CNIH3: variants seen among roughly 807,000 people sequenced by gnomAD.
CNIH3 encodes protein cornichon homolog 3.
In CNIH3, 14 loss-of-function variants were observed where a neutral mutation model predicts 24.1. That is an observed-to-expected ratio of 0.58 (90% CI 0.38 to 0.91). The LOEUF (loss-of-function observed/expected upper bound fraction) is 0.91, where lower values mean the gene tolerates loss of function less well. Ranked by LOEUF, CNIH3 falls within the 40% of genes least tolerant of loss-of-function variation. CNIH3 has a pLI of 0.00. For synonymous variants in CNIH3, 68 were observed against 73.8 expected (o/e 0.92, Z 0.40); for missense variants, 178 against 196.8 (o/e 0.90, Z 0.57).
rs1011841792 is a variant in CNIH3, at chr1:224,585,948, G to A, written n.621-2413G>A. On this transcript the variant is annotated intron_variant and non_coding_transcript_variant, in intron 5 of 5. Coordinates refer to the CNIH3 transcript ENST00000471578. ...GCATTAGTCTTGAAAGCCATACTTCGTTGAAAGAGAAAAGGGCTTTCTAGA... is the reference window on the plus strand; with the variant it reads ...GCATTAGTCTTGAAAGCCATACTTCATTGAAAGAGAAAAGGGCTTTCTAGA... Among the ~76,000 whole-genome samples, 7 of 152,306 alleles carry A rather than the reference G, an allele frequency of 4.6e-5. No individual in the cohort carries two copies. The South Asian group carries it at 6.2e-4, about 14-fold the overall frequency.
upstream of CNIH3, among the ~76,000 whole-genome samples, chr1:224,512,297 A>C (rs983824572): frequency 6.6e-6 from 1 of 152,198 alleles, no homozygotes; most frequent in African/African-American, 2.4e-5. Context: ...AGCCTGGGCA[A>C]GAAAGTCAGA....
chr1:224,463,613 G>T (rs1403358743), intron 1 of CNIH3, among the ~76,000 whole-genome samples: 1 of 150,898 alleles, frequency 6.6e-6, no homozygotes, highest in Non-Finnish European at 1.5e-5. Context: ...CTCCATGTTG[G>T]TTAGGCTGGT....
At chr1:224,565,083 C>G (rs1680525987) in intron 3 of CNIH3, among the ~76,000 whole-genome samples, 1 of 152,218 alleles carries the variant, frequency 6.6e-6, no homozygotes, top group African/African-American at 2.4e-5. Flanking sequence ...TTCTCAAGAA[C>G]AGGCAGGCAA....
At chr1:224,697,349 A>G (rs1687233156) in intron 3 of CNIH3, among the ~76,000 whole-genome samples, 1 of 152,160 alleles carries the variant, frequency 6.6e-6, no homozygotes, top group African/African-American at 2.4e-5. Context: ...TTGTTTTTTT[A>G]ACAGCTCTCC....
rs754882549 is a variant in CNIH3 at position 224,703,629 on chromosome 1, G to C, written c.198+18786G>C. ...CCTATTAGCATTGCTGCCTTTACCT[G>C]CCTGGTTGCCTCTTTCAAGCCTCCC... is the stretch of plus-strand genomic sequence containing the variant. On this transcript the variant is annotated intron_variant, in intron 3 of 5. Coordinates refer to ENST00000272133, the MANE Select transcript of CNIH3 (RefSeq NM_152495.2). The surrounding 1 kb of genome is among the most constrained non-coding windows in gnomAD (Gnocchi z 4.2). Among the ~76,000 whole-genome samples the C allele has an allele frequency of 1.1e-4, 17 of 152,242 alleles. No individual in the cohort carries two copies. Among genetic ancestry groups the C allele is most frequent in the South Asian group, 2.1e-4 (1 of 4,824 alleles).
intron 1 of CNIH3, among the ~76,000 whole-genome samples, chr1:224,501,735 C>A (rs1677680763): frequency 6.6e-6 from 1 of 151,946 alleles, no homozygotes; most frequent in Non-Finnish European, 1.5e-5. Context: ...TGCGTGCCAC[C>A]ACGCCCAGCT....
At chr1:224,572,765 A>G (rs1285607795) in intron 4 of CNIH3, among the ~76,000 whole-genome samples, 4 of 152,000 alleles carry the variant, frequency 2.6e-5, no homozygotes, top group African/African-American at 4.8e-5. Context: ...TGAGAAAAGG[A>G]TGTCTTTTCA....
At chr1:224,602,499 T>C (rs373213809) in intron 3 of CNIH3, among the ~76,000 whole-genome samples, 10 of 152,242 alleles carry the variant, frequency 6.6e-5, no homozygotes, top group African/African-American at 2.4e-4. Context: ...TGAGCTTTGA[T>C]AGAATGTGAT....
chr1:224,660,301 C>T (rs758933467), intron 1 of CNIH3, among the ~76,000 whole-genome samples: 14 of 152,126 alleles, frequency 9.2e-5, no homozygotes, highest in Non-Finnish European at 1.8e-4. Flanking sequence ...GACTTACTCA[C>T]TACCACGAGA....
intron 1 of CNIH3, among the ~76,000 whole-genome samples, chr1:224,442,013 ATTT>A (rs1167622615): frequency 8.3e-6 from 1 of 119,986 alleles, no homozygotes; most frequent in Non-Finnish European, 1.7e-5. Flanking sequence ...GATTCCCTTA[ATTT>A]TTTTTTTTTT....
chr1:224,636,005 T>G (rs779317324), intron 1 of CNIH3, among the ~76,000 whole-genome samples: 39 of 152,316 alleles, frequency 2.6e-4, no homozygotes, highest in Non-Finnish European at 4.3e-4. Context: ...GAACCCTCTT[T>G]TTTATATCAA....
chr1:224,550,751 G>A (rs2050625), intron 3 of CNIH3, among the ~76,000 whole-genome samples: 29,904 of 151,928 alleles, frequency 0.2, 3,118 homozygotes, highest in South Asian at 0.36. Flanking sequence ...TGTGCACAAT[G>A]TGCAGGTGAG....
At chr1:224,501,738 G>A (rs1474614855) in intron 1 of CNIH3, among the ~76,000 whole-genome samples, 2 of 151,792 alleles carry the variant, frequency 1.3e-5, no homozygotes, top group Admixed American at 6.6e-5. Context: ...GTGCCACCAC[G>A]CCCAGCTAAT....
intron 1 of CNIH3, among the ~76,000 whole-genome samples, chr1:224,644,931 C>T (rs749587701): frequency 6.6e-6 from 1 of 152,164 alleles, no homozygotes; most frequent in Non-Finnish European, 1.5e-5. Context: ...TGCTAACAGA[C>T]CCCATGCAGG....
intron 3 of CNIH3, among the ~76,000 whole-genome samples, chr1:224,698,578 A>G (rs1687304341): frequency 6.6e-6 from 1 of 152,244 alleles, no homozygotes; most frequent in African/African-American, 2.4e-5. Flanking sequence ...ACTTTAATAC[A>G]TGCCATTGGG....
At chr1:224,450,869 T>A (rs1175345794) in intron 1 of CNIH3, among the ~76,000 whole-genome samples, 1 of 152,228 alleles carries the variant, frequency 6.6e-6, no homozygotes, top group Non-Finnish European at 1.5e-5. Context: ...TTTCCATTAT[T>A]CTTTGGGCCT....
chr1:224,726,779 G>T (rs931499556), intron 3 of CNIH3, among the ~76,000 whole-genome samples: 1 of 152,122 alleles, frequency 6.6e-6, no homozygotes, highest in Non-Finnish European at 1.5e-5. Flanking sequence ...ACTCTAGAAA[G>T]CAGGGTAATA....
At chr1:224,486,032 G>A (rs968111836) in intron 1 of CNIH3, among the ~76,000 whole-genome samples, 1 of 151,918 alleles carries the variant, frequency 6.6e-6, no homozygotes, top group African/African-American at 2.4e-5. Flanking sequence ...AGGTGAGGAT[G>A]CATACGATAT....
At position 224,684,422 on chromosome 1, in the gene CNIH3, G is replaced by A. The variant is rs758269156; in HGVS notation, c.151-374G>A. ...AGTGGGAAGGCCTCCTGGGAGGGCCGGCTGCAGGCTTTAGGATGCTCCATG... is the reference window on the plus strand; with the variant it reads ...AGTGGGAAGGCCTCCTGGGAGGGCCAGCTGCAGGCTTTAGGATGCTCCATG... On this transcript the variant is annotated intron_variant, in intron 2 of 5. Coordinates refer to ENST00000272133, the MANE Select transcript of CNIH3 (RefSeq NM_152495.2). This position sits in a 1 kb window ranked among gnomAD's most constrained non-coding sequence, Gnocchi z 4.2. Among the ~76,000 whole-genome samples, 4 of 152,176 alleles carry A rather than the reference G, an allele frequency of 2.6e-5. No homozygotes were observed. Among genetic ancestry groups the A allele is most frequent in the Non-Finnish European group, 5.9e-5 (4 of 68,020 alleles).
Sources: allele counts gnomAD v4.1 joint callset (sites outside exome capture counted in the v4.1 genomes callset), GRCh38; gene constraint gnomAD v4.1.1; non-coding constraint Gnocchi (gnomAD v3.1); transcripts MANE v1.5; gene names NCBI Gene and HGNC (gene_info 2026-07-23, HGNC 2026-07-21).